The following PIK3AP1 variants were observed in gnomAD, a reference collection of about 807,000 sequenced individuals.
PIK3AP1 encodes phosphoinositide 3-kinase adapter protein 1.
In PIK3AP1, 21 loss-of-function variants were observed where a neutral mutation model predicts 88.1. That is an observed-to-expected ratio of 0.24 (90% CI 0.17 to 0.34). The LOEUF is 0.34. PIK3AP1 is among the 10% of genes least tolerant of loss of function. The pLI is 1.00. For missense variants in PIK3AP1, 828 were observed against 1,035.7 expected, an observed-to-expected ratio of 0.80 and a Z score of 2.75; for synonymous variants, 398 against 400.0, an observed-to-expected ratio of 1.00 and a Z score of 0.06.
intron 2 of PIK3AP1, chr10:96,700,678 A>G: frequency 2.6e-6 from 1 of 388,072 alleles, no homozygotes; most frequent in South Asian, 1.0e-4. Flanking sequence ...GCAACCCAAC[A>G]GCCCACAGGC....
At chr10:96,677,621 ACACAC>A (rs1376044944) in intron 2 of PIK3AP1, among the ~76,000 whole-genome samples, 20 of 151,434 alleles carry the variant, frequency 1.3e-4, no homozygotes, top group African/African-American at 4.6e-4. Context: ...ACACACACAC[ACACAC>A]AAAAGGCCTT....
chr10:96,695,125 A>G (rs936017638), intron 2 of PIK3AP1, among the ~76,000 whole-genome samples: 1 of 152,236 alleles, frequency 6.6e-6, no homozygotes, highest in Non-Finnish European at 1.5e-5. Context: ...ACACAATCAC[A>G]GTCAGAGATC....
intron 8 of PIK3AP1, among the ~76,000 whole-genome samples, chr10:96,643,901 G>A (rs986868617): frequency 6.6e-6 from 1 of 152,210 alleles, no homozygotes; most frequent in African/African-American, 2.4e-5. Flanking sequence ...TACCTTGGTT[G>A]ATACTTCTCT....
At position 96,637,207 on chromosome 10, in the gene PIK3AP1, G is replaced by T. The variant is rs115092177; in HGVS notation, c.1375+8266C>A. On this transcript the variant is annotated intron_variant, in intron 8 of 16. Transcript: ENST00000339364. ...CAATGGGTCAGTTTGCCTCCAGGTA[G>T]AATGGTTTGACTGACCATGTCAGTA... 2.2e-3 allele frequency among the ~76,000 whole-genome samples: 339 copies of T among 152,168 alleles called. 1 individual carries two copies. Among genetic ancestry groups the T allele is most frequent in the African/African-American group, 7.0e-3 (289 of 41,510 alleles).
At chr10:96,717,101 T>C (rs1199866812) in intron 1 of PIK3AP1, among the ~76,000 whole-genome samples, 1 of 151,710 alleles carries the variant, frequency 6.6e-6, no homozygotes. Context: ...CTACTAAAAA[T>C]ACAAAAATTA....
chr10:96,621,374 C>G (rs1254321367), intron 11 of PIK3AP1: 1 of 152,750 alleles, frequency 6.5e-6, no homozygotes, highest in African/African-American at 2.4e-5. Context: ...GGTGAAATGG[C>G]CAGCATGGGT....
intron 15 of PIK3AP1, 64 bp from the exon 16 acceptor site, chr10:96,602,462 A>G: frequency 1.4e-6 from 2 of 1,398,790 alleles, no homozygotes; most frequent in East Asian, 2.4e-5. Flanking sequence ...TAGCTGGACA[A>G]CCGTAACTCA....
chr10:96,691,145 A>G (rs147008238), intron 2 of PIK3AP1, among the ~76,000 whole-genome samples: 20 of 152,260 alleles, frequency 1.3e-4, no homozygotes, highest in African/African-American at 4.8e-4. Flanking sequence ...GCACAAAGCA[A>G]TACATTAGCC....
At chr10:96,717,664 C>T (rs61856817) in intron 1 of PIK3AP1, among the ~76,000 whole-genome samples, 21,121 of 152,098 alleles carry the variant, frequency 0.14, 1,795 homozygotes, top group East Asian at 0.24. Context: ...GGGCAAGAGA[C>T]GGTATGAGAG....
At chr10:96,707,149 T>C (rs1844374620) in intron 2 of PIK3AP1, among the ~76,000 whole-genome samples, 1 of 152,210 alleles carries the variant, frequency 6.6e-6, no homozygotes, top group Non-Finnish European at 1.5e-5. Flanking sequence ...TAAAGGCTCA[T>C]AGCATACTGA....
In PIK3AP1 at chr10:96,682,652, C is replaced by T. The variant is rs188311521; in HGVS notation, c.431-25718G>A. On this transcript the variant is annotated intron_variant, in intron 2 of 16. Transcript: ENST00000339364. Reference sequence around the variant, plus strand: ...TGACCCCGTCATTCTTTTTTCTTTTCGCCCCATTAATAGATGCTTTTTAGC... The same window carrying T: ...TGACCCCGTCATTCTTTTTTCTTTTTGCCCCATTAATAGATGCTTTTTAGC... 3.5e-3 allele frequency among the ~76,000 whole-genome samples: 534 copies of T among 152,182 alleles called. 2 individuals are homozygous for T. Among genetic ancestry groups the T allele is most frequent in the Middle Eastern group, 0.01 (3 of 294 alleles).
chr10:96,687,692 T>A (rs1032391251), intron 2 of PIK3AP1, among the ~76,000 whole-genome samples: 4 of 152,162 alleles, frequency 2.6e-5, no homozygotes, highest in Non-Finnish European at 2.9e-5. Flanking sequence ...AAGGCCACCA[T>A]CCGTTGAGGC....
At chr10:96,706,740 C>A (rs1564990569) in intron 2 of PIK3AP1, among the ~76,000 whole-genome samples, 1 of 152,158 alleles carries the variant, frequency 6.6e-6, no homozygotes, top group Admixed American at 6.5e-5. Flanking sequence ...TTTTTCTACA[C>A]TGCCAGACTC....
At chr10:96,718,398 A>C (rs1245912337) in intron 1 of PIK3AP1, among the ~76,000 whole-genome samples, 1 of 152,252 alleles carries the variant, frequency 6.6e-6, no homozygotes, top group Non-Finnish European at 1.5e-5. Flanking sequence ...GGCGAGCGGC[A>C]TTGCTCTCAC....
intron 2 of PIK3AP1, among the ~76,000 whole-genome samples, chr10:96,672,003 C>A (rs926481510): frequency 6.6e-6 from 1 of 152,060 alleles, no homozygotes; most frequent in Non-Finnish European, 1.5e-5. Flanking sequence ...TGTGCCACTG[C>A]ACTCCAGCCT....
chr10:96,679,506 C>T (rs376257291), intron 2 of PIK3AP1, among the ~76,000 whole-genome samples: 37 of 150,710 alleles, frequency 2.5e-4, no homozygotes, highest in South Asian at 2.3e-3. Context: ...CCAGCCTGGG[C>T]GACAGAGCAA....
chr10:96,705,368 A>T (rs1844348027), intron 2 of PIK3AP1, among the ~76,000 whole-genome samples: 1 of 152,148 alleles, frequency 6.6e-6, no homozygotes, highest in South Asian at 2.1e-4. Context: ...ATCCCTTTAC[A>T]GCACGTCTGC....
chr10:96,686,466 A>G (rs1273588198), intron 2 of PIK3AP1, among the ~76,000 whole-genome samples: 1 of 152,248 alleles, frequency 6.6e-6, no homozygotes, highest in Non-Finnish European at 1.5e-5. Context: ...TGAGCTCCAC[A>G]GGAGTCCAGA....
chr10:96,611,357 T>C (rs1016466545), intron 13 of PIK3AP1, among the ~76,000 whole-genome samples: 8 of 152,030 alleles, frequency 5.3e-5, no homozygotes, highest in Non-Finnish European at 1.2e-4. Context: ...TTGGAGCTAC[T>C]TGGGCAAAAA....
Sources: allele counts gnomAD v4.1 joint callset (sites outside exome capture counted in the v4.1 genomes callset), GRCh38; gene constraint gnomAD v4.1.1; transcripts MANE v1.5; gene names NCBI Gene and HGNC (gene_info 2026-07-23, HGNC 2026-07-21).